Variants in MTUS2 observed in about 807,000 individuals in gnomAD.
The protein encoded by MTUS2 is microtubule associated scaffold protein 2.
A neutral mutation model predicts 114.1 loss-of-function variants in MTUS2; 40 were observed. That is an observed-to-expected ratio of 0.35 (90% CI 0.27 to 0.46). MTUS2 has a LOEUF of 0.46. Among genes scored for constraint, MTUS2 ranks in the 20% least tolerant of loss-of-function variants. MTUS2 has a pLI of 1.00. For synonymous variants in MTUS2, 688 were observed against 672.0 expected (o/e 1.02, Z -0.37); for missense variants, 1,679 against 1,705.4 (o/e 0.98, Z 0.27).
chr13:29,031,409 T>C (rs903014930), intron 3 of MTUS2, among the ~76,000 whole-genome samples: 14 of 147,806 alleles, frequency 9.5e-5, no homozygotes, highest in African/African-American at 3.5e-4. Context: ...ATAATCTCTA[T>C]ATATATATAT....
intron 5 of MTUS2, among the ~76,000 whole-genome samples, chr13:29,148,307 C>T (rs779640745): frequency 4.0e-5 from 6 of 151,488 alleles, no homozygotes; most frequent in Non-Finnish European, 8.8e-5. Flanking sequence ...TTTGCTGCAC[C>T]TAGGTATTAA....
chr13:28,859,658 C>T (rs998053753), intron 2 of MTUS2, among the ~76,000 whole-genome samples: 3 of 152,118 alleles, frequency 2.0e-5, no homozygotes, highest in Non-Finnish European at 2.9e-5. Context: ...TTTTGCAAAA[C>T]ATATTTAACT....
At chr13:29,456,010 A>G (rs1566210532) in intron 9 of MTUS2, among the ~76,000 whole-genome samples, 1 of 152,118 alleles carries the variant, frequency 6.6e-6, no homozygotes, top group Non-Finnish European at 1.5e-5. Context: ...AGTTGTGTAA[A>G]AAAGAGAAAG....
At chr13:29,151,857 C>A (rs1273709971) in intron 5 of MTUS2, among the ~76,000 whole-genome samples, 1 of 152,100 alleles carries the variant, frequency 6.6e-6, no homozygotes, top group Admixed American at 6.6e-5. Context: ...ATATGTTGAA[C>A]CACCCTTGCA....
At chr13:28,927,623 T>G (rs1360595827) in intron 2 of MTUS2, among the ~76,000 whole-genome samples, 2 of 152,148 alleles carry the variant, frequency 1.3e-5, no homozygotes, top group South Asian at 2.1e-4. Flanking sequence ...ATGGAAGAGA[T>G]AGACAGCCAA....
chr13:28,989,198 T>C (rs1468842487), intron 2 of MTUS2, among the ~76,000 whole-genome samples: 1 of 152,140 alleles, frequency 6.6e-6, no homozygotes, highest in Non-Finnish European at 1.5e-5. Flanking sequence ...GCTGAGAATC[T>C]GTTGATATGT....
At chr13:29,464,679 G>A (rs7986808) in intron 9 of MTUS2, among the ~76,000 whole-genome samples, 3,363 of 152,204 alleles carry the variant, frequency 0.022, 108 homozygotes, top group African/African-American at 0.072. Context: ...TTCCACCCCA[G>A]CTAATTCACA....
At chr13:28,998,739 C>G (rs1351080409) in intron 2 of MTUS2, among the ~76,000 whole-genome samples, 7 of 152,196 alleles carry the variant, frequency 4.6e-5, no homozygotes, top group Non-Finnish European at 1.0e-4. Flanking sequence ...TTTTCAGGTC[C>G]ATCACGTCCA....
At chr13:29,447,734 A>AGGT (rs1878393673) in intron 9 of MTUS2, among the ~76,000 whole-genome samples, 2 of 151,836 alleles carry the variant, frequency 1.3e-5, no homozygotes, top group South Asian at 2.1e-4. Flanking sequence ...AGGCTTCCCC[A>AGGT]GGTGGTGGTG....
At chr13:29,440,652 C>T (rs1877769576) in intron 9 of MTUS2, among the ~76,000 whole-genome samples, 1 of 152,132 alleles carries the variant, frequency 6.6e-6, no homozygotes, top group Admixed American at 6.5e-5. Context: ...TCCCATCTTC[C>T]CTCTCGACCA....
chr13:29,417,297 T>A (rs1023375940), intron 8 of MTUS2, among the ~76,000 whole-genome samples: 2 of 152,206 alleles, frequency 1.3e-5, no homozygotes, highest in African/African-American at 4.8e-5. Context: ...TGAGAGATTC[T>A]TCCCCATGAC....
chr13:29,248,514 T>A (rs1897006078), intron 5 of MTUS2, among the ~76,000 whole-genome samples: 1 of 152,232 alleles, frequency 6.6e-6, no homozygotes, highest in Non-Finnish European at 1.5e-5. Context: ...ATGTGGTGAA[T>A]GTACAGGTTT....
At chr13:29,032,871 A>G (rs1018295483) in intron 3 of MTUS2, among the ~76,000 whole-genome samples, 2 of 152,234 alleles carry the variant, frequency 1.3e-5, no homozygotes, top group African/African-American at 2.4e-5. Context: ...TAACAGATGT[A>G]TCTTTTCATG....
chr13:29,019,251 T>C (rs180695040), intron 2 of MTUS2, among the ~76,000 whole-genome samples: 1 of 151,962 alleles, frequency 6.6e-6, no homozygotes, highest in East Asian at 1.9e-4. Flanking sequence ...GCCTGAGGAG[T>C]GCTGATCAGA....
At chr13:28,867,035 C>G (rs1044333988) in intron 2 of MTUS2, among the ~76,000 whole-genome samples, 1 of 152,176 alleles carries the variant, frequency 6.6e-6, no homozygotes, top group Middle Eastern at 3.4e-3. Flanking sequence ...CCCTGCTGAA[C>G]CATAAAAACA....
At chr13:29,110,913 G>A (rs1046645395) in intron 5 of MTUS2, among the ~76,000 whole-genome samples, 1 of 152,152 alleles carries the variant, frequency 6.6e-6, no homozygotes, top group Non-Finnish European at 1.5e-5. Context: ...AAAGAAATAT[G>A]ACATATTAGC....
At chr13:28,935,730 AG>A (rs1881867390) in intron 2 of MTUS2, among the ~76,000 whole-genome samples, 1 of 152,070 alleles carries the variant, frequency 6.6e-6, no homozygotes, top group South Asian at 2.1e-4. Context: ...ACTCAGCCTC[AG>A]GGTGCAAACA....
At chr13:29,501,231 C>T (rs1476628065) in intron 15 of MTUS2, 37 bp downstream of exon 15, 1 of 1,491,654 alleles carries the variant, frequency 6.7e-7, no homozygotes, top group African/African-American at 1.4e-5. Flanking sequence ...AGTGACTTTC[C>T]TCTTGAGCTT....
At chr13:29,413,501 A>C (rs887654863) in intron 8 of MTUS2, among the ~76,000 whole-genome samples, 4 of 123,402 alleles carry the variant, frequency 3.2e-5, no homozygotes, top group African/African-American at 1.3e-4. Flanking sequence ...AGAAACTACC[A>C]TCAGAGTGAA....
Sources: gnomAD v4.1 joint callset for allele counts (sites outside exome capture counted in the v4.1 genomes callset) on GRCh38, gnomAD v4.1.1 for gene constraint, MANE v1.5 for transcripts, NCBI Gene and HGNC (gene_info 2026-07-23, HGNC 2026-07-21) for gene names.